Variants in ROBO1 observed in about 807,000 individuals in gnomAD.
ROBO1 encodes roundabout homolog 1.
Under a neutral mutation model 195.9 loss-of-function variants are expected in ROBO1, and 149 were observed. That is an observed-to-expected ratio of 0.76 (90% CI 0.67 to 0.87). ROBO1 has a LOEUF of 0.87. Among genes scored for constraint, ROBO1 ranks in the 40% least tolerant of loss-of-function variants. The pLI is 0.00. For missense variants in ROBO1, 1,933 were observed against 2,068.3 expected (o/e 0.93, Z 1.27); for synonymous variants, 816 against 733.2 (o/e 1.11, Z -1.82).
intron 2 of ROBO1, among the ~76,000 whole-genome samples, chr3:79,293,196 A>G (rs1294019174): frequency 6.6e-6 from 1 of 152,084 alleles, no homozygotes; most frequent in African/African-American, 2.4e-5. Context: ...GATGGTAAGT[A>G]GTTTGTATTT....
At chr3:79,029,036 A>C (rs1257036871) in intron 3 of ROBO1, among the ~76,000 whole-genome samples, 2 of 152,064 alleles carry the variant, frequency 1.3e-5, no homozygotes, top group Non-Finnish European at 2.9e-5. Flanking sequence ...CTGGGAGAGT[A>C]TAGTGTTTAA....
At chr3:78,906,155 T>C (rs1281034990) in intron 4 of ROBO1, among the ~76,000 whole-genome samples, 1 of 152,176 alleles carries the variant, frequency 6.6e-6, no homozygotes, top group African/African-American at 2.4e-5. Flanking sequence ...TTCTCTAACA[T>C]TTATTATGAA....
At chr3:79,710,483 T>C (rs1039423617) in intron 1 of ROBO1, among the ~76,000 whole-genome samples, 1 of 152,106 alleles carries the variant, frequency 6.6e-6, no homozygotes, top group African/African-American at 2.4e-5. Context: ...TTTTCAGAAA[T>C]GAAGTGAAAT....
chr3:78,757,764 G>C (rs1168931823), intron 4 of ROBO1, among the ~76,000 whole-genome samples: 1 of 152,158 alleles, frequency 6.6e-6, no homozygotes, highest in Non-Finnish European at 1.5e-5. Context: ...GAATATTTCA[G>C]TGATAGAAAA....
chr3:79,501,991 T>C (rs544207201), intron 2 of ROBO1, among the ~76,000 whole-genome samples: 1 of 152,102 alleles, frequency 6.6e-6, no homozygotes, highest in East Asian at 2.0e-4. Context: ...TAGCTCTAAC[T>C]GTAACATATA....
At chr3:78,741,033 T>C (rs1189321415) in intron 5 of ROBO1, among the ~76,000 whole-genome samples, 2 of 152,210 alleles carry the variant, frequency 1.3e-5, no homozygotes, top group Non-Finnish European at 2.9e-5. Flanking sequence ...TTTATGATCT[T>C]ATTTTTAACA....
chr3:79,471,091 T>C (rs1298191709), intron 2 of ROBO1, among the ~76,000 whole-genome samples: 1 of 152,126 alleles, frequency 6.6e-6, no homozygotes, highest in Non-Finnish European at 1.5e-5. Flanking sequence ...CTGGGAAAGC[T>C]GGATACCCAT....
At position 78,651,951 on chromosome 3, in the gene ROBO1, A is replaced by T. The variant is rs575041852; in HGVS notation, c.2615-22T>A. On this transcript the variant is annotated intron_variant, in intron 18 of 30. Coordinates refer to ENST00000464233, the MANE Select transcript of ROBO1 (RefSeq NM_002941.4). ...GCATCTGAAAAGTCATCTTCCGATT[A>T]ATTTGGGTTGAAGACTCAATGCAAT... The T allele has an allele frequency of 1.8e-5, 29 of 1,602,190 alleles. 1 individual carries two copies. In the South Asian group the frequency reaches 3.2e-4, roughly 18 times the overall value.
chr3:79,012,672 G>A (rs569756724), intron 3 of ROBO1, among the ~76,000 whole-genome samples: 1 of 152,320 alleles, frequency 6.6e-6, no homozygotes, highest in African/African-American at 2.4e-5. Context: ...TAAAATCACA[G>A]AAGTAAGAGG....
intron 2 of ROBO1, among the ~76,000 whole-genome samples, chr3:79,360,455 A>T (rs2035725594): frequency 6.6e-6 from 1 of 151,858 alleles, no homozygotes; most frequent in African/African-American, 2.4e-5. Flanking sequence ...CTTCTTTTTT[A>T]ATAAAAAAAG....
chr3:79,617,641 T>G (rs927399287), intron 1 of ROBO1, among the ~76,000 whole-genome samples: 2 of 151,910 alleles, frequency 1.3e-5, no homozygotes, highest in African/African-American at 4.8e-5. Context: ...GTAAGAACTC[T>G]TACAGTACAA....
At chr3:79,600,240 A>T (rs1476488572) in intron 1 of ROBO1, among the ~76,000 whole-genome samples, 1 of 152,054 alleles carries the variant, frequency 6.6e-6, no homozygotes, top group African/African-American at 2.4e-5. Context: ...GAAATGTAAG[A>T]TGGAAGTACA....
chr3:79,309,151 T>A (rs953853151), intron 2 of ROBO1, among the ~76,000 whole-genome samples: 5 of 152,204 alleles, frequency 3.3e-5, no homozygotes, highest in Non-Finnish European at 5.9e-5. Flanking sequence ...TCATACCTAC[T>A]GGGTTATATG....
rs571251133 is a variant in ROBO1, at chr3:79,553,361, G to A, written c.88+36463C>T. Reference sequence around the variant, plus strand: ...ATCAGATTTCTGACTCTATTCGGATGCAGATACTGAATGTATATCATTTCA... The same window carrying A: ...ATCAGATTTCTGACTCTATTCGGATACAGATACTGAATGTATATCATTTCA... On this transcript the variant is annotated intron_variant, in intron 2 of 30. Transcript: ENST00000464233. 3.3e-5 allele frequency among the ~76,000 whole-genome samples: 5 copies of A among 152,114 alleles called. No individual in the cohort carries two copies. In the South Asian group the frequency reaches 1.0e-3, roughly 31 times the overall value.
At chr3:78,949,829 A>G (rs903648625) in intron 3 of ROBO1, among the ~76,000 whole-genome samples, 2 of 152,090 alleles carry the variant, frequency 1.3e-5, no homozygotes, top group Admixed American at 6.5e-5. Context: ...AAAACAAACA[A>G]CCCCATCAAA....
intron 20 of ROBO1, among the ~76,000 whole-genome samples, chr3:78,646,409 T>C (rs1260140034): frequency 6.7e-6 from 1 of 150,332 alleles, no homozygotes; most frequent in African/African-American, 2.4e-5. Context: ...ATTATATATA[T>C]AATTAGATAT....
At chr3:78,657,353 C>A in intron 17 of ROBO1, 84 bp from the exon 18 acceptor site, 2 of 1,400,522 alleles carry the variant, frequency 1.4e-6, no homozygotes, top group South Asian at 1.4e-5. Flanking sequence ...GTTTTAGACC[C>A]AGACAGAGTA....
intron 2 of ROBO1, among the ~76,000 whole-genome samples, chr3:79,454,684 A>T (rs1397813428): frequency 6.6e-6 from 1 of 152,076 alleles, no homozygotes; most frequent in Admixed American, 6.6e-5. Context: ...TTTTTTCTTA[A>T]ACTATAATTT....
chr3:78,873,057 T>C (rs2035639344), intron 4 of ROBO1, among the ~76,000 whole-genome samples: 1 of 152,178 alleles, frequency 6.6e-6, no homozygotes. Flanking sequence ...TTCCTTTCTT[T>C]CCCTTTGTGG....
Sources: allele counts gnomAD v4.1 joint callset (sites outside exome capture counted in the v4.1 genomes callset), GRCh38; gene constraint gnomAD v4.1.1; transcripts MANE v1.5; gene names NCBI Gene and HGNC (gene_info 2026-07-23, HGNC 2026-07-21).